TTC39C: variants seen among roughly 807,000 people sequenced by gnomAD.
TTC39C encodes the protein tetratricopeptide repeat domain 39C.
TTC39C carries 33 observed loss-of-function variants against 76.3 expected under a neutral mutation model. The observed-to-expected ratio is 0.43, with a 90% confidence interval of 0.33 to 0.58. TTC39C has a LOEUF of 0.58. TTC39C is among the 20% of genes least tolerant of loss of function. The probability of loss-of-function intolerance (pLI) is 0.04; values close to 1 mark genes in which losing one functional copy is unlikely to be tolerated. For synonymous variants in TTC39C, 254 were observed against 260.6 expected (o/e 0.97, Z 0.24); for missense variants, 595 against 701.4 (o/e 0.85, Z 1.71).
chr18:24,061,772 T>C (rs1170046488), intron 1 of TTC39C, among the ~76,000 whole-genome samples: 1 of 151,972 alleles, frequency 6.6e-6, no homozygotes, highest in Non-Finnish European at 1.5e-5. Flanking sequence ...GGCATGGTGG[T>C]GCCTGCCTGT....
intron 1 of TTC39C, among the ~76,000 whole-genome samples, chr18:24,040,586 A>T (rs1285478393): frequency 6.6e-6 from 1 of 152,208 alleles, no homozygotes; most frequent in African/African-American, 2.4e-5. Flanking sequence ...ATATATATTT[A>T]TATATAACAA....
At chr18:24,120,971 G>C (rs1458687886) in intron 8 of TTC39C, 1 of 152,012 alleles carries the variant, frequency 6.6e-6, no homozygotes. Context: ...CAATCTTTTT[G>C]CTATTGTGTG....
At chr18:24,016,832 G>A (rs2083459861) in intron 1 of TTC39C, 1 of 397,842 alleles carries the variant, frequency 2.5e-6, no homozygotes. Context: ...AGATAAGGCA[G>A]GGAAAACTGT....
At chr18:24,030,966 C>CAGGG (rs1011327042) in intron 1 of TTC39C, among the ~76,000 whole-genome samples, 3 of 148,958 alleles carry the variant, frequency 2.0e-5, no homozygotes, top group African/African-American at 7.4e-5. Context: ...GTTTTTGAGA[C>CAGGG]AGGGTCTTAC....
Position 24,036,601 on chromosome 18 carries a change from C to T in TTC39C, c.167+21563C>T, listed in dbSNP as rs555994350. 7.9e-5 allele frequency among the ~76,000 whole-genome samples: 12 copies of T among 152,122 alleles called. No individual in the cohort carries two copies. The East Asian group carries it at 1.5e-3, about 20-fold the overall frequency. ...GCTGAATTTGTTTCTTTTAACCATTCCTTGTAGAATTTTTAGGGGATATTT... is the reference window on the plus strand; with the variant it reads ...GCTGAATTTGTTTCTTTTAACCATTTCTTGTAGAATTTTTAGGGGATATTT... On this transcript the variant is annotated intron_variant, in intron 1 of 13. Coordinates refer to ENST00000317571, the MANE Select transcript of TTC39C (RefSeq NM_001135993.2).
At chr18:24,027,950 C>T (rs950235327) in intron 1 of TTC39C, among the ~76,000 whole-genome samples, 2 of 152,134 alleles carry the variant, frequency 1.3e-5, no homozygotes, top group Admixed American at 1.3e-4. Flanking sequence ...TGACTTTTTT[C>T]CACATTATAG....
intron 7 of TTC39C, among the ~76,000 whole-genome samples, chr18:24,117,072 C>G (rs1348763877): frequency 6.6e-6 from 1 of 151,940 alleles, no homozygotes; most frequent in Non-Finnish European, 1.5e-5. Context: ...CCCACCTCAG[C>G]CTCCCAGAGT....
intron 3 of TTC39C, among the ~76,000 whole-genome samples, chr18:24,066,619 G>A (rs928009572): frequency 3.3e-4 from 50 of 152,162 alleles, no homozygotes; most frequent in Admixed American, 2.6e-4. Context: ...CTAGGCTATG[G>A]AGAGGCACCC....
At chr18:24,127,651 G>A (rs116040395) in intron 10 of TTC39C, among the ~76,000 whole-genome samples, 2,867 of 152,098 alleles carry the variant, frequency 0.019, 100 homozygotes, top group African/African-American at 0.065. Flanking sequence ...TGAGTAGCTG[G>A]GACTACAGGG....
chr18:24,015,529 G>A (rs954356940), intron 1 of TTC39C, among the ~76,000 whole-genome samples: 57 of 152,306 alleles, frequency 3.7e-4, no homozygotes, highest in African/African-American at 1.2e-3. Context: ...TGCAATTCCA[G>A]ACGCTTTTAT....
chr18:24,059,966 A>G (rs1251710450), intron 1 of TTC39C, among the ~76,000 whole-genome samples: 1 of 152,176 alleles, frequency 6.6e-6, no homozygotes, highest in Non-Finnish European at 1.5e-5. Flanking sequence ...GCCTTATAAA[A>G]CAATCAGATC....
chr18:24,018,436 C>T (rs560493932), intron 1 of TTC39C, among the ~76,000 whole-genome samples: 1 of 152,280 alleles, frequency 6.6e-6, no homozygotes, highest in Non-Finnish European at 1.5e-5. Context: ...ATGTGACGTG[C>T]ACTCAGACCT....
chr18:24,006,465 A>G (rs1285304825), intron 1 of TTC39C: 2 of 151,586 alleles, frequency 1.3e-5, no homozygotes, highest in African/African-American at 4.9e-5. Flanking sequence ...CGTTTTAAGT[A>G]TCTTCGGTTG....
intron 6 of TTC39C, among the ~76,000 whole-genome samples, chr18:24,111,425 C>T (rs1220831115): frequency 6.6e-6 from 1 of 151,710 alleles, no homozygotes; most frequent in African/African-American, 2.4e-5. Context: ...AAAAATTAGC[C>T]AGGCGCAGTG....
intron 3 of TTC39C, among the ~76,000 whole-genome samples, chr18:24,068,836 T>C (rs2013930158): frequency 1.3e-5 from 2 of 152,226 alleles, no homozygotes; most frequent in Admixed American, 1.3e-4. Context: ...TTATTCTGGA[T>C]AAGAAAGACT....
intron 6 of TTC39C, among the ~76,000 whole-genome samples, chr18:24,110,316 T>TA (rs1184259314): frequency 6.6e-6 from 1 of 152,254 alleles, no homozygotes; most frequent in Non-Finnish European, 1.5e-5. Context: ...AAGCCCTGTT[T>TA]AATGGTGAAA....
chr18:24,113,362 A>G, intron 6 of TTC39C: 3 of 569,136 alleles, frequency 5.3e-6, no homozygotes, highest in Non-Finnish European at 9.4e-6. Context: ...CGTGCTGAGG[A>G]GAGGAGCCCA....
chr18:24,018,364 A>G (rs968327228), intron 1 of TTC39C, among the ~76,000 whole-genome samples: 2 of 140,116 alleles, frequency 1.4e-5, no homozygotes, highest in African/African-American at 5.1e-5. Context: ...GCTCTAGTCT[A>G]GCAGCAGTCG....
chr18:24,113,713 T>C (rs1568442400), intron 6 of TTC39C: 1 of 701,914 alleles, frequency 1.4e-6, no homozygotes, highest in Non-Finnish European at 2.6e-6. Context: ...AACTGATGCT[T>C]TGAATCCTGA....
Sources: gnomAD v4.1 joint callset for allele counts (sites outside exome capture counted in the v4.1 genomes callset) on GRCh38, gnomAD v4.1.1 for gene constraint, MANE v1.5 for transcripts, NCBI Gene and HGNC (gene_info 2026-07-23, HGNC 2026-07-21) for gene names.